Variants in FHIT observed in about 807,000 individuals in gnomAD.
FHIT encodes bis(5'-adenosyl)-triphosphatase.
Under a neutral mutation model 17.9 loss-of-function variants are expected in FHIT, and 19 were observed. The observed-to-expected ratio is 1.06, with a 90% CI of 0.74 to 1.56. The LOEUF (loss-of-function observed/expected upper bound fraction) is 1.56. Among genes scored for constraint, FHIT ranks in the 40% most tolerant of loss-of-function variants. FHIT has a pLI of 0.00. For synonymous variants in FHIT, 81 were observed against 69.7 expected (o/e 1.16, Z -0.81); for missense variants, 248 against 189.2 (o/e 1.31, Z -1.82).
chr3:60,118,129 C>G (rs892521276), intron 5 of FHIT, among the ~76,000 whole-genome samples: 2 of 152,072 alleles, frequency 1.3e-5, no homozygotes, highest in Non-Finnish European at 2.9e-5. Flanking sequence ...TTTTTAGAGA[C>G]AGGGTCTTGT....
intron 5 of FHIT, among the ~76,000 whole-genome samples, chr3:60,156,973 C>G (rs557758332): frequency 6.6e-6 from 1 of 151,816 alleles, no homozygotes; most frequent in Non-Finnish European, 1.5e-5. Context: ...GTGTTAGATA[C>G]GACTCTTATG....
chr3:61,009,176 TG>T (rs889625804), intron 3 of FHIT, among the ~76,000 whole-genome samples: 32 of 152,250 alleles, frequency 2.1e-4, no homozygotes, highest in African/African-American at 7.7e-4. Context: ...AGCAATAGAC[TG>T]GGTCCCATTG....
At chr3:60,920,922 C>T (rs1190587349) in intron 3 of FHIT, among the ~76,000 whole-genome samples, 1 of 152,096 alleles carries the variant, frequency 6.6e-6, no homozygotes, top group African/African-American at 2.4e-5. Flanking sequence ...TTTCAAATTT[C>T]ATTTTTATTA....
At chr3:60,685,413 T>G (rs1389401618) in intron 4 of FHIT, among the ~76,000 whole-genome samples, 2 of 152,142 alleles carry the variant, frequency 1.3e-5, no homozygotes, top group Admixed American at 1.3e-4. Context: ...CTTAAGATAC[T>G]AAAATGGACG....
intron 5 of FHIT, among the ~76,000 whole-genome samples, chr3:60,367,805 T>C (rs1298816513): frequency 1.3e-5 from 2 of 152,214 alleles, no homozygotes; most frequent in Non-Finnish European, 2.9e-5. Flanking sequence ...AGTTCTCCAG[T>C]GCTCACCTGC....
chr3:60,641,043 G>A (rs1365264302), intron 4 of FHIT, among the ~76,000 whole-genome samples: 2 of 152,138 alleles, frequency 1.3e-5, no homozygotes, highest in Admixed American at 6.5e-5. Context: ...AGCCAGGTAT[G>A]GTGGTGGGTA....
intron 2 of FHIT, among the ~76,000 whole-genome samples, chr3:61,042,865 T>C (rs929117419): frequency 6.6e-6 from 1 of 152,112 alleles, no homozygotes; most frequent in Non-Finnish European, 1.5e-5. Flanking sequence ...TAAACACTTT[T>C]TTTTAAAAAG....
intron 3 of FHIT, among the ~76,000 whole-genome samples, chr3:60,844,833 G>C (rs1553746005): frequency 6.6e-6 from 1 of 152,048 alleles, no homozygotes; most frequent in Non-Finnish European, 1.5e-5. Context: ...TCTGAATTCA[G>C]CTTGCTCTTC....
intron 4 of FHIT, among the ~76,000 whole-genome samples, chr3:60,801,295 T>A (rs570593836): frequency 6.6e-6 from 1 of 152,226 alleles, no homozygotes; most frequent in South Asian, 2.1e-4. Context: ...AAAATAGGGA[T>A]GAAAATAGGG....
intron 5 of FHIT, among the ~76,000 whole-genome samples, chr3:60,037,566 G>C (rs1701271126): frequency 6.6e-6 from 1 of 151,698 alleles, no homozygotes; most frequent in Non-Finnish European, 1.5e-5. Context: ...ATTTTTAGTA[G>C]AGACAGGGTT....
intron 4 of FHIT, among the ~76,000 whole-genome samples, chr3:60,771,361 C>A (rs1023320860): frequency 6.6e-6 from 1 of 152,232 alleles, no homozygotes; most frequent in Non-Finnish European, 1.5e-5. Flanking sequence ...CATATCAATA[C>A]TCTTTCTGAA....
chr3:60,309,398 G>C (rs1369010882), intron 5 of FHIT, among the ~76,000 whole-genome samples: 1 of 152,052 alleles, frequency 6.6e-6, no homozygotes, highest in African/African-American at 2.4e-5. Flanking sequence ...GGTCCAAAAA[G>C]TATGGTCCAT....
chr3:60,521,861 C>T (rs2035379684), intron 5 of FHIT, among the ~76,000 whole-genome samples: 2 of 152,188 alleles, frequency 1.3e-5, no homozygotes, highest in South Asian at 4.1e-4. Context: ...AGGCAGAGCT[C>T]TTTCTTCTCC....
chr3:60,853,480 C>T (rs555066411), intron 3 of FHIT, among the ~76,000 whole-genome samples: 3 of 151,990 alleles, frequency 2.0e-5, no homozygotes, highest in East Asian at 1.9e-4. Context: ...ATGACCTTCA[C>T]GAGCACCCAA....
intron 5 of FHIT, among the ~76,000 whole-genome samples, chr3:60,066,066 T>C (rs1347121718): frequency 6.6e-6 from 1 of 152,180 alleles, no homozygotes; most frequent in East Asian, 1.9e-4. Context: ...TTCTGTTACA[T>C]GCAGCTGAAC....
At chr3:60,102,480 G>C (rs951046767) in intron 5 of FHIT, among the ~76,000 whole-genome samples, 1 of 152,136 alleles carries the variant, frequency 6.6e-6, no homozygotes, top group Non-Finnish European at 1.5e-5. Flanking sequence ...AGAATGATCT[G>C]GGGGTTCTTA....
intron 4 of FHIT, chr3:60,537,590 GT>G: frequency 3.5e-6 from 1 of 283,790 alleles, no homozygotes; most frequent in East Asian, 1.8e-4. Context: ...ACAATTCCTG[GT>G]TGTAACAGGG....
chr3:61,209,581 C>A (rs1243963609), intron 1 of FHIT, among the ~76,000 whole-genome samples: 4 of 152,072 alleles, frequency 2.6e-5, no homozygotes, highest in East Asian at 1.9e-4. Flanking sequence ...ATCATTGATA[C>A]CCTTTCTTCC....
chr3:59,968,961 C>T (rs1368977864), intron 7 of FHIT, among the ~76,000 whole-genome samples: 2 of 152,156 alleles, frequency 1.3e-5, no homozygotes, highest in Non-Finnish European at 2.9e-5. Context: ...AGGGTCTCTT[C>T]ATCTTCGAAT....
Sources: gnomAD v4.1 joint callset for allele counts (sites outside exome capture counted in the v4.1 genomes callset) on GRCh38, gnomAD v4.1.1 for gene constraint, MANE v1.5 for transcripts, NCBI Gene and HGNC (gene_info 2026-07-23, HGNC 2026-07-21) for gene names.